KCNIP4: variants seen among roughly 807,000 people sequenced by gnomAD.
KCNIP4 encodes Kv channel-interacting protein 4.
A neutral mutation model predicts 34.0 loss-of-function variants in KCNIP4; 12 were observed. The ratio of observed to expected loss-of-function variants is 0.35; its 90% confidence interval spans 0.23 to 0.57. The LOEUF is 0.57. Among genes scored for constraint, KCNIP4 ranks in the 20% least tolerant of loss-of-function variants. KCNIP4 has a pLI of 0.83. For missense variants in KCNIP4, 238 were observed against 311.7 expected, an observed-to-expected ratio of 0.76 and a Z score of 1.78; for synonymous variants, 124 against 102.2, an observed-to-expected ratio of 1.21 and a Z score of -1.29.
At chr4:20,763,502 G>T (rs1302477905) in intron 3 of KCNIP4, among the ~76,000 whole-genome samples, 1 of 152,092 alleles carries the variant, frequency 6.6e-6, no homozygotes, top group East Asian at 1.9e-4. Context: ...TATGGGCCAG[G>T]TCTTAAAGTG....
intron 3 of KCNIP4, among the ~76,000 whole-genome samples, chr4:20,811,553 G>A (rs1265825626): frequency 6.6e-6 from 1 of 152,112 alleles, no homozygotes; most frequent in Non-Finnish European, 1.5e-5. Context: ...GGAGATAAGG[G>A]AAAGATTTCA....
intron 1 of KCNIP4, among the ~76,000 whole-genome samples, chr4:21,173,492 G>A (rs1273001212): frequency 1.3e-5 from 2 of 152,106 alleles, no homozygotes; most frequent in Non-Finnish European, 2.9e-5. Flanking sequence ...TTCCGGGTGC[G>A]GTGATCACAA....
At chr4:21,183,923 C>T (rs1010783910) in intron 1 of KCNIP4, among the ~76,000 whole-genome samples, 2 of 152,132 alleles carry the variant, frequency 1.3e-5, no homozygotes, top group African/African-American at 4.8e-5. Context: ...TTTCCTCTCC[C>T]TTCTCAGGCC....
chr4:21,388,814 T>C (rs1391767292), intron 1 of KCNIP4, among the ~76,000 whole-genome samples: 2 of 152,200 alleles, frequency 1.3e-5, no homozygotes, highest in Non-Finnish European at 2.9e-5. Flanking sequence ...TGATGACCCA[T>C]GTTGTATCAG....
chr4:20,941,123 A>G (rs1406966201), intron 1 of KCNIP4, among the ~76,000 whole-genome samples: 3 of 152,232 alleles, frequency 2.0e-5, no homozygotes, highest in African/African-American at 7.2e-5. Context: ...CACCTACTGG[A>G]TAGGAAAGCC....
chr4:21,685,086 A>G (rs2109031040), intron 1 of KCNIP4, among the ~76,000 whole-genome samples: 1 of 152,310 alleles, frequency 6.6e-6, no homozygotes, highest in Non-Finnish European at 1.5e-5. Flanking sequence ...TAAGTATATT[A>G]ATGTATAATT....
At chr4:20,989,397 G>A (rs1736881985) in intron 1 of KCNIP4, among the ~76,000 whole-genome samples, 1 of 152,204 alleles carries the variant, frequency 6.6e-6, no homozygotes, top group South Asian at 2.1e-4. Flanking sequence ...TCAGGGACTT[G>A]GAAGTGGACA....
rs5856652 is a variant in KCNIP4, at chr4:21,629,849, C to CTTTTTTTTTTTTTTTT, written c.61+318706_61+318721dup. On this transcript the variant is annotated intron_variant, in intron 1 of 8. Transcript: ENST00000382152. ...ACCATATTTCCTTTTCTTTTTCTTT[C>CTTTTTTTTTTTTTTTT]TTTTTTTTTTTTTTTTTTTGAGACA... Among the ~76,000 whole-genome samples, 87 of 87,778 alleles carry CTTTTTTTTTTTTTTTT rather than the reference C, an allele frequency of 9.9e-4. 2 individuals are homozygous for CTTTTTTTTTTTTTTTT. The highest frequency in any genetic ancestry group is 1.1e-3 in the African/African-American group (24 of 20,942). The allele number at this position is 87,778 out of a possible 152,430, so 57.6% of individuals were successfully genotyped here.
chr4:20,911,740 C>CT (rs1348731811), intron 1 of KCNIP4, among the ~76,000 whole-genome samples: 2 of 152,156 alleles, frequency 1.3e-5, no homozygotes, highest in African/African-American at 4.8e-5. Flanking sequence ...GATTCACACT[C>CT]TATTTTAAAC....
chr4:21,249,392 G>A (rs1250049442), intron 1 of KCNIP4, among the ~76,000 whole-genome samples: 1 of 152,106 alleles, frequency 6.6e-6, no homozygotes, highest in Non-Finnish European at 1.5e-5. Flanking sequence ...CTGGGGAAGG[G>A]TAAAAGCGAT....
chr4:21,150,046 G>A (rs959342034), intron 1 of KCNIP4, among the ~76,000 whole-genome samples: 1 of 151,920 alleles, frequency 6.6e-6, no homozygotes, highest in East Asian at 1.9e-4. Context: ...GTCATATCAG[G>A]GCAATGATAG....
intron 1 of KCNIP4, among the ~76,000 whole-genome samples, chr4:21,126,054 A>T (rs1750589085): frequency 6.6e-6 from 1 of 152,134 alleles, no homozygotes; most frequent in African/African-American, 2.4e-5. Flanking sequence ...TGATTGAGAC[A>T]GGGTATAAAT....
At chr4:21,654,032 CCT>C (rs1419922760) in intron 1 of KCNIP4, among the ~76,000 whole-genome samples, 2 of 152,088 alleles carry the variant, frequency 1.3e-5, no homozygotes, top group African/African-American at 4.8e-5. Flanking sequence ...TTGCCATTAA[CCT>C]ATTTATATCC....
intron 1 of KCNIP4, among the ~76,000 whole-genome samples, chr4:20,967,639 A>G (rs937168360): frequency 5.9e-5 from 9 of 152,206 alleles, no homozygotes; most frequent in Non-Finnish European, 1.3e-4. Context: ...GTCTACAACC[A>G]TCTGATCTTT....
chr4:21,338,009 C>A (rs572573009), intron 1 of KCNIP4, among the ~76,000 whole-genome samples: 10 of 152,268 alleles, frequency 6.6e-5, no homozygotes, highest in Admixed American at 1.3e-4. Context: ...GCTCCTTCCA[C>A]TTTCTGCTCC....
intron 1 of KCNIP4, among the ~76,000 whole-genome samples, chr4:21,372,998 T>G (rs2109446182): frequency 6.8e-6 from 1 of 146,002 alleles, no homozygotes; most frequent in Admixed American, 6.6e-5. Flanking sequence ...CCTACTAGAT[T>G]ATTGGGCAGA....
chr4:21,298,014 C>T (rs754097672), intron 1 of KCNIP4, among the ~76,000 whole-genome samples: 4 of 152,158 alleles, frequency 2.6e-5, no homozygotes, highest in Non-Finnish European at 5.9e-5. Flanking sequence ...CCTTCATTTA[C>T]TTCCTTGTGA....
intron 1 of KCNIP4, among the ~76,000 whole-genome samples, chr4:21,726,691 T>C (rs1314731893): frequency 1.3e-5 from 2 of 152,188 alleles, no homozygotes; most frequent in Non-Finnish European, 2.9e-5. Flanking sequence ...TGCACTGTAA[T>C]TGCTTCTTTA....
chr4:21,605,289 A>G (rs971927105), intron 1 of KCNIP4, among the ~76,000 whole-genome samples: 13 of 152,196 alleles, frequency 8.5e-5, no homozygotes, highest in Non-Finnish European at 1.3e-4. Context: ...ACACTATGGC[A>G]CAAAGGTAAA....
Sources: gnomAD v4.1 joint callset for allele counts (sites outside exome capture counted in the v4.1 genomes callset) on GRCh38, gnomAD v4.1.1 for gene constraint, MANE v1.5 for transcripts, NCBI Gene and HGNC (gene_info 2026-07-23, HGNC 2026-07-21) for gene names.